The following TRIB2 variants were observed in gnomAD, a reference collection of about 807,000 sequenced individuals.
The protein encoded by TRIB2 is tribbles homolog 2.
A neutral mutation model predicts 26.8 loss-of-function variants in TRIB2; 2 were observed. The ratio of observed to expected loss-of-function variants is 0.07; its 90% confidence interval spans 0.03 to 0.24. The LOEUF is 0.24. Among genes scored for constraint, TRIB2 ranks in the 10% least tolerant of loss-of-function variants. The pLI is 1.00. For missense variants in TRIB2, 306 were observed against 449.0 expected, an observed-to-expected ratio of 0.68 and a Z score of 2.88; for synonymous variants, 189 against 187.3, an observed-to-expected ratio of 1.01 and a Z score of -0.08.
At chr2:12,727,097 A>C (rs1443119179) in intron 2 of TRIB2, among the ~76,000 whole-genome samples, 1 of 152,086 alleles carries the variant, frequency 6.6e-6, no homozygotes, top group Admixed American at 6.6e-5. Flanking sequence ...TTCTGTTTCC[A>C]TTTTACTTTG....
chr2:12,725,493 G>A (rs1387875377), intron 2 of TRIB2, among the ~76,000 whole-genome samples: 1 of 152,232 alleles, frequency 6.6e-6, no homozygotes, highest in Non-Finnish European at 1.5e-5. Flanking sequence ...CACCTGGGCT[G>A]TGGAGGGCTT....
intron 2 of TRIB2, 62 bp downstream of exon 2, chr2:12,723,614 A>G: frequency 6.5e-7 from 1 of 1,546,236 alleles, no homozygotes. Context: ...ACAGCTTCCT[A>G]GAAAAGTCTT....
At chr2:12,727,929 C>T (rs1238486624) in intron 2 of TRIB2, among the ~76,000 whole-genome samples, 1 of 152,184 alleles carries the variant, frequency 6.6e-6, no homozygotes, top group Non-Finnish European at 1.5e-5. Context: ...TGCACTCCGC[C>T]TCCCCCTCTC....
chr2:12,737,766 G>T (rs1661614751), intron 2 of TRIB2, among the ~76,000 whole-genome samples: 1 of 152,212 alleles, frequency 6.6e-6, no homozygotes, highest in Non-Finnish European at 1.5e-5. Flanking sequence ...ATGTTTGCAT[G>T]ACAGTGTAAA....
chr2:12,731,916 G>C (rs923385668), intron 2 of TRIB2, among the ~76,000 whole-genome samples: 20 of 152,226 alleles, frequency 1.3e-4, no homozygotes, highest in African/African-American at 4.8e-4. Flanking sequence ...CACTGAGCCT[G>C]CGGAAGCTTT....
intron 2 of TRIB2, among the ~76,000 whole-genome samples, chr2:12,728,674 C>T (rs1429120869): frequency 4.6e-5 from 7 of 152,132 alleles, no homozygotes; most frequent in South Asian, 2.1e-4. Context: ...TTGTGGAAGC[C>T]GGTCAGTACC....
rs527299993 is a variant in TRIB2, at chr2:12,726,705, G to T, written c.563+3153G>T. 8.5e-5 allele frequency among the ~76,000 whole-genome samples: 13 copies of T among 152,338 alleles called. No individual in the cohort carries two copies. In the South Asian group the frequency reaches 2.7e-3, roughly 32 times the overall value. On this transcript the variant is annotated intron_variant, in intron 2 of 2. Transcript: ENST00000155926. Reference sequence around the variant, plus strand: ...AAGCAAAGAAGCAAATTTGGGAAGTGCTGCTTTATTCATCTTCTGACCATC... The same window carrying T: ...AAGCAAAGAAGCAAATTTGGGAAGTTCTGCTTTATTCATCTTCTGACCATC...
rs1204917469 is a variant in TRIB2 at position 12,740,631 on chromosome 2, G to A, written c.869G>A (p.Arg290His). The A allele has an allele frequency of 6.2e-6, 10 of 1,614,058 alleles. No homozygotes were observed. The highest frequency in any genetic ancestry group is 2.2e-5 in the East Asian group (1 of 44,890). Residue 290 changes from arginine to histidine, a missense_variant, in exon 3 of 3, where the codon CGT becomes CAT. Arg to His is a conservative substitution (Grantham distance 29). Coordinates refer to ENST00000155926, the MANE Select transcript of TRIB2 (RefSeq NM_021643.4). This position sits in a 1 kb window ranked among gnomAD's most constrained non-coding sequence, Gnocchi z 5.8. ...AAGTGCCTCATCCGAAGCATTCTGC[G>A]TCGGGAGCCCTCAGAGCGGCTGACC... is the stretch of plus-strand genomic sequence containing the variant. ...KAKCLIRSILRREPSERLTSQ... is the reference protein window; with the variant it reads ...KAKCLIRSILHREPSERLTSQ...
chr2:12,725,628 G>A (rs989556239), intron 2 of TRIB2, among the ~76,000 whole-genome samples: 19 of 152,328 alleles, frequency 1.2e-4, no homozygotes, highest in Middle Eastern at 3.4e-3. Context: ...CATTCCGTCT[G>A]GAAGTTACGT....
At chr2:12,723,215 C>A in intron 1 of TRIB2, 45 bp from the exon 2 acceptor site, 3 of 1,577,036 alleles carry the variant, frequency 1.9e-6, no homozygotes, top group Non-Finnish European at 2.6e-6. Context: ...TTTGGTTGTA[C>A]AAGAGGCACC....
At chr2:12,736,770 G>A (rs1399774855) in intron 2 of TRIB2, among the ~76,000 whole-genome samples, 1 of 152,212 alleles carries the variant, frequency 6.6e-6, no homozygotes, top group Non-Finnish European at 1.5e-5. Flanking sequence ...TGGGCTCTTG[G>A]AGGTGGGAAG....
rs1281643885 is a variant in TRIB2 at position 12,718,338 on chromosome 2, A to G, written c.31A>G (p.Ile11Val). The G allele has an allele frequency of 5.0e-6, 8 of 1,614,022 alleles. No individual in the cohort carries two copies. Among genetic ancestry groups the G allele is most frequent in the Non-Finnish European group, 6.8e-6 (8 of 1,180,016 alleles). Residue 11 changes from isoleucine (I) to valine (V), a missense_variant, in exon 1 of 3, where the codon ATA becomes GTA. By Grantham distance (29) the Ile-to-Val change is conservative. Around this residue, in one of 4 missense-constraint regions of TRIB2, gnomAD observed 99 missense variants for 106.5 expected, o/e 0.93. Coordinates refer to ENST00000155926, the MANE Select transcript of TRIB2 (RefSeq NM_021643.4). The surrounding 1 kb of genome is among the most constrained non-coding windows in gnomAD (Gnocchi z 4.0). Reference sequence around the variant, plus strand: ...CATACACAGGTCTACCCCCATCACAATAGCGAGATATGGGAGATCGCGGAA... The same window carrying G: ...CATACACAGGTCTACCCCCATCACAGTAGCGAGATATGGGAGATCGCGGAA... The part of the protein sequence containing the change: MNIHRSTPIT[I>V]ARYGRSRNKT...
intron 2 of TRIB2, among the ~76,000 whole-genome samples, chr2:12,728,813 T>C (rs887267479): frequency 1.3e-5 from 2 of 151,836 alleles, no homozygotes; most frequent in African/African-American, 4.8e-5. Context: ...CGTTTCTCCT[T>C]CCCCCACCAA....
intron 2 of TRIB2, among the ~76,000 whole-genome samples, chr2:12,736,368 G>A (rs1661568834): frequency 6.6e-6 from 1 of 152,126 alleles, no homozygotes; most frequent in African/African-American, 2.4e-5. Context: ...AAAAGCTTGA[G>A]GTGGTGAGCT....
intron 2 of TRIB2, among the ~76,000 whole-genome samples, chr2:12,724,100 G>T (rs554799848): frequency 6.6e-6 from 1 of 152,334 alleles, no homozygotes; most frequent in African/African-American, 2.4e-5. Flanking sequence ...AACTGGGGTG[G>T]TGGGGACATG....
In TRIB2 at chr2:12,723,316, T is replaced by C. The variant is rs1397268666; in HGVS notation, c.327T>C (p.Ala109=). 6 of 1,614,120 alleles carry C rather than the reference T, an allele frequency of 3.7e-6. No homozygotes were observed. The highest frequency in any genetic ancestry group is 5.1e-6 in the Non-Finnish European group (6 of 1,180,056). ...ESLAPCFCLS[A]HSNINQITEI... The stretch of plus-strand genomic sequence containing the variant: ...TGGCACCGTGCTTTTGCCTGTCTGC[T>C]CATAGTAACATCAACCAAATCACTG... The change falls in exon 2 of 3, where the codon GCT becomes GCC. Residue 109 remains alanine, a synonymous_variant. Transcript: ENST00000155926.
At chr2:12,739,377 G>A (rs892371868) in intron 2 of TRIB2, among the ~76,000 whole-genome samples, 3 of 152,020 alleles carry the variant, frequency 2.0e-5, no homozygotes, top group African/African-American at 7.3e-5. Flanking sequence ...CTCCTGCCTC[G>A]GCCTCCTGAG....
In TRIB2 at chr2:12,723,243, T is replaced by A; in HGVS notation, c.271-17T>A. On this transcript the variant is annotated splice_polypyrimidine_tract_variant and intron_variant, in intron 1 of 2. Transcript: ENST00000155926. ...GAGGCACCTCTGACTTTGGTCTTAC[T>A]GTTAATCCTGTCGTAGGTGTTTGAT... is the stretch of plus-strand genomic sequence containing the variant. 3 of 1,605,650 alleles carry A rather than the reference T, an allele frequency of 1.9e-6. No individual in the cohort carries two copies. The highest frequency in any genetic ancestry group is 2.5e-6 in the Non-Finnish European group (3 of 1,177,240).
In TRIB2 at chr2:12,742,272, A is replaced by G. The variant is rs137939965; in HGVS notation, c.*1478A>G. 1.3e-3 allele frequency: 194 copies of G among 152,722 alleles called. No homozygotes were observed. Among genetic ancestry groups the G allele is most frequent in the African/African-American group, 4.3e-3 (178 of 41,568 alleles). The allele number at this position is 152,722 out of a possible 1,614,324, so 9.5% of individuals were successfully genotyped here. ...CTTGTTCGGATTTGACTGCCTGTAT[A>G]TGTTTTGTGAAATGGTCCTGTTTTT... On this transcript the variant is annotated 3_prime_UTR_variant, in exon 3 of 3. Coordinates refer to ENST00000155926, the MANE Select transcript of TRIB2 (RefSeq NM_021643.4).
Sources: gnomAD v4.1 joint callset for allele counts (sites outside exome capture counted in the v4.1 genomes callset) on GRCh38, gnomAD v4.1.1 for gene constraint, gnomAD v4.1.1 regional missense constraint, Gnocchi (gnomAD v3.1) non-coding constraint, MANE v1.5 for transcripts, NCBI Gene and HGNC (gene_info 2026-07-23, HGNC 2026-07-21) for gene names.